The following DSC2 variants were observed in gnomAD, a reference collection of about 807,000 sequenced individuals.
The protein encoded by DSC2 is desmocollin-2.
A neutral mutation model predicts 87.6 loss-of-function variants in DSC2; 51 were observed. The ratio of observed to expected loss-of-function variants is 0.58; its 90% CI spans 0.46 to 0.74. The LOEUF (loss-of-function observed/expected upper bound fraction) is 0.74. DSC2 is among the 30% of genes least tolerant of loss of function. The probability of loss-of-function intolerance (pLI) is 0.00; values close to 1 mark genes in which losing one functional copy is unlikely to be tolerated. For synonymous variants in DSC2, 383 were observed against 393.2 expected (o/e 0.97, Z 0.31); for missense variants, 1,066 against 1,089.5 (o/e 0.98, Z 0.30).
chr18:31,098,811 C>A (rs755513108), intron 1 of DSC2, among the ~76,000 whole-genome samples: 1 of 152,122 alleles, frequency 6.6e-6, no homozygotes, highest in Non-Finnish European at 1.5e-5. Flanking sequence ...TACTGATACA[C>A]CTGCCCACAT....
At chr18:31,088,770 T>A (rs1312361870) in intron 5 of DSC2, among the ~76,000 whole-genome samples, 3 of 152,086 alleles carry the variant, frequency 2.0e-5, no homozygotes, top group African/African-American at 7.2e-5. Context: ...TGCTCTCCCA[T>A]TGCCAGGGTA....
At chr18:31,094,940 T>C (rs1987716979) in intron 1 of DSC2, among the ~76,000 whole-genome samples, 1 of 152,218 alleles carries the variant, frequency 6.6e-6, no homozygotes, top group Admixed American at 6.5e-5. Context: ...TCAACCAACA[T>C]TTACTGGTTG....
At chr18:31,087,968 G>T (rs996695499) in intron 5 of DSC2, among the ~76,000 whole-genome samples, 155 bp from the exon 6 acceptor site, 2 of 152,168 alleles carry the variant, frequency 1.3e-5, no homozygotes, top group African/African-American at 4.8e-5. Context: ...TAATTTTAAT[G>T]CCAAAGAGGT....
At chr18:31,069,725 A>C (rs1215773148) in intron 14 of DSC2, among the ~76,000 whole-genome samples, 1 of 151,954 alleles carries the variant, frequency 6.6e-6, no homozygotes, top group Admixed American at 6.6e-5. Flanking sequence ...AAAAAAAAAA[A>C]AAAAAAGCCT....
chr18:31,078,558 T>G (rs566473641), intron 11 of DSC2, among the ~76,000 whole-genome samples: 75 of 149,154 alleles, frequency 5.0e-4, no homozygotes, highest in African/African-American at 1.7e-3. Context: ...GAGTTTCATG[T>G]TTTTTTTTTC....
chr18:31,074,676 T>C lies in DSC2; in HGVS notation c.1888+7A>G, dbSNP rs1555637977. ...AAAAGGACAAAGCAATTTTCAAAAA[T>C]ATATACCATTAATTGCTTTCAGTCT... On this transcript the variant is annotated splice_region_variant and intron_variant, in intron 12 of 15. Coordinates refer to ENST00000280904, the MANE Select transcript of DSC2 (RefSeq NM_024422.6). The C allele has an allele frequency of 1.2e-6, 2 of 1,612,682 alleles. No individual in the cohort carries two copies. Among genetic ancestry groups the C allele is most frequent in the Non-Finnish European group, 1.7e-6 (2 of 1,179,360 alleles).
At chr18:31,082,053 T>A (rs910052990) in intron 9 of DSC2, among the ~76,000 whole-genome samples, 185 bp downstream of exon 9, 6 of 151,910 alleles carry the variant, frequency 3.9e-5, no homozygotes, top group African/African-American at 1.4e-4. Context: ...AAAAAAAAAA[T>A]ACCTAAACAA....
chr18:31,086,943 G>A (rs909076575), intron 6 of DSC2, among the ~76,000 whole-genome samples: 1 of 151,928 alleles, frequency 6.6e-6, no homozygotes, highest in Non-Finnish European at 1.5e-5. Context: ...TTTCGAATTG[G>A]GTGATCATAT....
rs1407130565 is a variant in DSC2 at position 31,066,053 on chromosome 18, T to C, written c.*1962A>G. 6.6e-6 allele frequency: 1 copy of C among 152,158 alleles called. No homozygotes were observed. Among genetic ancestry groups the C allele is most frequent in the Non-Finnish European group, 1.5e-5 (1 of 68,020 alleles). 9.4% of individuals were successfully genotyped at this position (152,158 alleles called of 1,614,324 possible). On this transcript the variant is annotated 3_prime_UTR_variant, in exon 16 of 16. Transcript: ENST00000280904. Reference sequence around the variant, plus strand: ...GTATGACTCTCATGCTTCAAAACTATTTTTTATTCAAGTGACTTACAATGG... The same window carrying C: ...GTATGACTCTCATGCTTCAAAACTACTTTTTATTCAAGTGACTTACAATGG...
Position 31,070,732 on chromosome 18 carries a change from G to A in DSC2, c.2244C>T (p.Asp748=), listed in dbSNP as rs886039103. 2 of 1,613,810 alleles carry A rather than the reference G, an allele frequency of 1.2e-6. No individual in the cohort carries two copies. Among genetic ancestry groups the A allele is most frequent in the Admixed American group, 3.3e-5 (2 of 60,016 alleles). ...IVSNTEAPGD[D]KVYSANGFTT... is the part of the protein sequence containing the mutation. ...AAAAAGCCAGACTACTTACCACTTT[G>A]TCATCTCCAGGAGCTTCTGTGTTTG... Residue 748 remains aspartate (D), a synonymous_variant, in exon 14 of 16, where the codon GAC becomes GAT. Transcript: ENST00000280904.
In DSC2 at chr18:31,064,493, T is replaced by C. The variant is rs1004917753; in HGVS notation, c.*3522A>G. The C allele has an allele frequency of 1.3e-5, 2 of 152,160 alleles. No individual in the cohort carries two copies. The highest frequency in any genetic ancestry group is 4.8e-5 in the African/African-American group (2 of 41,438). 9.4% of individuals were successfully genotyped at this position (152,160 alleles called of 1,614,324 possible). On this transcript the variant is annotated 3_prime_UTR_variant, in exon 16 of 16. Transcript: ENST00000280904. ...GCAGTTTTTGGCAAAAAATAGAGGATGCTATGGAAAGAAGAGAGAGGAATC... is the reference window on the plus strand; with the variant it reads ...GCAGTTTTTGGCAAAAAATAGAGGACGCTATGGAAAGAAGAGAGAGGAATC...
At position 31,063,492 on chromosome 18, in the gene DSC2, C is replaced by A. The variant is rs555668106; in HGVS notation, c.*4523G>T. The A allele has an allele frequency of 6.6e-6, 1 of 151,730 alleles. No homozygotes were observed. The highest frequency in any genetic ancestry group is 1.5e-5 in the Non-Finnish European group (1 of 67,966). 9.4% of individuals were successfully genotyped at this position (151,730 alleles called of 1,614,324 possible). On this transcript the variant is annotated 3_prime_UTR_variant, in exon 16 of 16. Transcript: ENST00000280904. ...TGCTCTAGACACACAAATGTCTAGGCGGTAGTATTTTTACTAGATCCTCAA... is the reference window on the plus strand; with the variant it reads ...TGCTCTAGACACACAAATGTCTAGGAGGTAGTATTTTTACTAGATCCTCAA...
At chr18:31,095,314 G>C (rs187540121) in intron 1 of DSC2, among the ~76,000 whole-genome samples, 28 of 152,264 alleles carry the variant, frequency 1.8e-4, no homozygotes, top group Middle Eastern at 3.4e-3. Flanking sequence ...AAAACAAAAG[G>C]ACAGTCAATG....
Position 31,074,734 on chromosome 18 carries a change from C to G in DSC2, c.1837G>C (p.Glu613Gln), listed in dbSNP as rs777716519. 1 of 1,613,940 alleles carries G rather than the reference C, an allele frequency of 6.2e-7. No homozygotes were observed. The highest frequency in any genetic ancestry group is 1.7e-5 in the Admixed American group (1 of 59,988). ...CTCTGTACTTCTGAAGTAGAACTCT[C>G]CAGACTAAAGTCAAAGGGTGGGCCA... The part of the protein sequence containing the change: ...IHGPPFDFSL[E>Q]SSTSEVQRMW... Residue 613 changes from glutamate (E) to glutamine (Q), a missense_variant, in exon 12 of 16, where the codon GAG (glutamate) becomes CAG (glutamine). Glu to Gln is a conservative substitution (Grantham distance 29). Coordinates refer to ENST00000280904, the MANE Select transcript of DSC2 (RefSeq NM_024422.6).
intron 8 of DSC2, among the ~76,000 whole-genome samples, chr18:31,082,660 C>T (rs767945522): frequency 1.7e-4 from 26 of 152,074 alleles, no homozygotes; most frequent in Non-Finnish European, 2.4e-4. Flanking sequence ...CACGTTCAGG[C>T]GATTCTCCTG....
At chr18:31,092,009 AC>A (rs1987615565) in intron 3 of DSC2, 91 bp downstream of exon 3, 1 of 1,376,272 alleles carries the variant, frequency 7.3e-7, no homozygotes. Flanking sequence ...GCCAAACTAT[AC>A]CATATCCTTT....
chr18:31,096,652 C>A (rs1008814321), intron 1 of DSC2, among the ~76,000 whole-genome samples: 1 of 152,230 alleles, frequency 6.6e-6, no homozygotes, highest in East Asian at 1.9e-4. Context: ...AATTCAATAA[C>A]CATTCTTATT....
At chr18:31,073,187 A>G (rs1986888790) in intron 12 of DSC2, among the ~76,000 whole-genome samples, 1 of 152,198 alleles carries the variant, frequency 6.6e-6, no homozygotes, top group South Asian at 2.1e-4. Flanking sequence ...GTTGACAAAC[A>G]TACAGCTGCC....
At chr18:31,090,706 T>A (rs1423766414) in intron 4 of DSC2, among the ~76,000 whole-genome samples, 1 of 152,202 alleles carries the variant, frequency 6.6e-6, no homozygotes, top group African/African-American at 2.4e-5. Context: ...TGGTCTTTCA[T>A]CCAATTTTCT....
Sources: allele counts gnomAD v4.1 joint callset (sites outside exome capture counted in the v4.1 genomes callset), GRCh38; gene constraint gnomAD v4.1.1; transcripts MANE v1.5; gene names NCBI Gene and HGNC (gene_info 2026-07-23, HGNC 2026-07-21).